The following RORC variants were observed in gnomAD, a reference collection of about 807,000 sequenced individuals.
RORC encodes RAR related orphan receptor C.
RORC carries 13 observed loss-of-function variants against 64.5 expected under a neutral mutation model. The observed-to-expected ratio is 0.20, with a 90% CI of 0.13 to 0.32. The LOEUF is 0.32. Ranked by LOEUF, RORC falls within the 10% of genes least tolerant of loss-of-function variation. RORC has a pLI of 1.00. For synonymous variants in RORC, 277 were observed against 259.3 expected (o/e 1.07, Z -0.65); for missense variants, 468 against 669.5 (o/e 0.70, Z 3.32).
intron 2 of RORC, among the ~76,000 whole-genome samples, chr1:151,825,468 C>T (rs1185982016): frequency 6.6e-6 from 1 of 152,094 alleles, no homozygotes; most frequent in Admixed American, 6.5e-5. Flanking sequence ...CTTCAGAGCA[C>T]AGCAACTGCT....
chr1:151,818,836 G>A (rs540028198), intron 2 of RORC, among the ~76,000 whole-genome samples: 1 of 152,328 alleles, frequency 6.6e-6, no homozygotes, highest in Non-Finnish European at 1.5e-5. Context: ...GTCACATGTA[G>A]GGCCTGTTGA....
intron 2 of RORC, among the ~76,000 whole-genome samples, chr1:151,829,067 C>T (rs1423905962): frequency 1.3e-5 from 2 of 151,904 alleles, no homozygotes; most frequent in Non-Finnish European, 2.9e-5. Flanking sequence ...ACCCCGCCTC[C>T]GCACACCCCC....
At chr1:151,824,003 G>T (rs1268394884) in intron 2 of RORC, among the ~76,000 whole-genome samples, 1 of 152,068 alleles carries the variant, frequency 6.6e-6, no homozygotes, top group Non-Finnish European at 1.5e-5. Flanking sequence ...CTCTCCCTAG[G>T]TGTTCCAGAA....
Position 151,814,850 on chromosome 1 carries a change from C to T in RORC, c.811+63G>A, listed in dbSNP as rs900590272. The T allele has an allele frequency of 4.4e-5, 69 of 1,568,194 alleles. 1 individual carries two copies. The East Asian group carries it at 1.1e-3, about 25-fold the overall frequency. On this transcript the variant is annotated intron_variant, in intron 5 of 10. Transcript: ENST00000318247. ...CCCTCAGGCGCATGTTTGATTGATA[C>T]GGGGTACTGGTGGAAACCCCTCCCT...
At chr1:151,823,790 G>A (rs1224045190) in intron 2 of RORC, among the ~76,000 whole-genome samples, 4 of 152,046 alleles carry the variant, frequency 2.6e-5, no homozygotes, top group African/African-American at 4.8e-5. Context: ...ACAGGTACAC[G>A]CCACCATGCC....
intron 2 of RORC, among the ~76,000 whole-genome samples, chr1:151,823,836 C>A (rs925939360): frequency 6.6e-6 from 1 of 152,114 alleles, no homozygotes; most frequent in African/African-American, 2.4e-5. Context: ...GTAGGGACAG[C>A]GGCTCACTTT....
intron 4 of RORC, 34 bp downstream of exon 4, chr1:151,816,629 AG>A: frequency 6.3e-7 from 1 of 1,580,454 alleles, no homozygotes. Context: ...TGGAGACACC[AG>A]GAAAACCCCA....
At position 151,814,599 on chromosome 1, in the gene RORC, T is replaced by C; in HGVS notation, c.908A>G (p.Glu303Gly). 6.2e-7 allele frequency: 1 copy of C among 1,612,704 alleles called. No homozygotes were observed. Among genetic ancestry groups the C allele is most frequent in the Non-Finnish European group, 8.5e-7 (1 of 1,179,380 alleles). Residue 303 changes from glutamate (E) to glycine (G), a missense_variant, in exon 6 of 11, where the codon GAG becomes GGG. Physicochemically the swap from Glu to Gly is moderately conservative, Grantham distance 98. Around this residue, in one of 5 missense-constraint regions of RORC, gnomAD observed 100 missense variants for 190.8 expected, o/e 0.52. Coordinates refer to ENST00000318247, the MANE Select transcript of RORC (RefSeq NM_005060.4). Reference protein sequence around the residue: ...LRQRSNIFSREEVTGYQRKSM... With the variant: ...LRQRSNIFSRGEVTGYQRKSM... ...CTTCCTCTGGTAGCCAGTCACTTCCTCCCGGGAGAAGATGTTGGAGCGCTG... is the reference window on the plus strand; with the variant it reads ...CTTCCTCTGGTAGCCAGTCACTTCCCCCCGGGAGAAGATGTTGGAGCGCTG...
intron 10 of RORC, among the ~76,000 whole-genome samples, chr1:151,810,304 T>C (rs576880423): frequency 2.5e-4 from 38 of 152,294 alleles, no homozygotes; most frequent in African/African-American, 8.9e-4. Flanking sequence ...TGTTAAAATC[T>C]TACATCATTC....
chr1:151,813,776 C>T (rs1476601691), intron 6 of RORC, 156 bp from the exon 7 acceptor site: 1 of 797,568 alleles, frequency 1.3e-6, no homozygotes, highest in Non-Finnish European at 1.9e-6. Context: ...CACAAATGCA[C>T]AGATTCCTGC....
intron 10 of RORC, among the ~76,000 whole-genome samples, chr1:151,810,195 T>G (rs899501731): frequency 7.9e-5 from 12 of 152,192 alleles, no homozygotes; most frequent in African/African-American, 2.7e-4. Context: ...TCATCCATTT[T>G]TTTGGTTAAA....
chr1:151,825,864 C>T, intron 2 of RORC: 1 of 1,587,954 alleles, frequency 6.3e-7, no homozygotes, highest in South Asian at 1.1e-5. Flanking sequence ...CCAAGACATC[C>T]TCCTTTCCAG....
chr1:151,810,568 G>A lies in RORC; in HGVS notation c.1395+757C>T, dbSNP rs1029771885. ...TTTTTTTGAGACAGAGTTTGCTCTT[G>A]TTGCCCAGGCTGGAGTGCAATGGCA... On this transcript the variant is annotated intron_variant, in intron 10 of 10. Coordinates refer to ENST00000318247, the MANE Select transcript of RORC (RefSeq NM_005060.4). Among the ~76,000 whole-genome samples, 38 of 141,098 alleles carry A rather than the reference G, an allele frequency of 2.7e-4. 1 individual carries two copies. Among genetic ancestry groups the A allele is most frequent in the Admixed American group, 2.3e-3 (32 of 13,634 alleles). The allele number at this position is 141,098 out of a possible 152,430, so 92.6% of individuals were successfully genotyped here.
Position 151,825,899 on chromosome 1 carries a change from C to A in RORC, c.70+3530G>T, listed in dbSNP as rs747875222. The A allele has an allele frequency of 3.1e-6, 5 of 1,613,028 alleles. No individual in the cohort carries two copies. In the South Asian group the frequency reaches 5.5e-5, roughly 18 times the overall value. On this transcript the variant is annotated intron_variant, in intron 2 of 10. Coordinates refer to ENST00000318247, the MANE Select transcript of RORC (RefSeq NM_005060.4). ...GAGGGGTGACGACAGGGTCCAGGCTCCCCCGCCCCCAGGTGGCCCCATTCA... is the reference window on the plus strand; with the variant it reads ...GAGGGGTGACGACAGGGTCCAGGCTACCCCGCCCCCAGGTGGCCCCATTCA...
intron 2 of RORC, among the ~76,000 whole-genome samples, chr1:151,820,944 C>T (rs1456849893): frequency 1.3e-5 from 2 of 152,222 alleles, no homozygotes; most frequent in Non-Finnish European, 2.9e-5. Flanking sequence ...CTCATTCTTG[C>T]ATCTTTTCTG....
chr1:151,826,641 G>C (rs182816255), intron 2 of RORC, among the ~76,000 whole-genome samples: 17 of 152,266 alleles, frequency 1.1e-4, no homozygotes, highest in African/African-American at 4.1e-4. Flanking sequence ...ATAATCACCA[G>C]GCAAATACCC....
chr1:151,813,180 C>T (rs1651606591), intron 8 of RORC, 59 bp downstream of exon 8: 22 of 1,553,080 alleles, frequency 1.4e-5, no homozygotes, highest in Non-Finnish European at 2.0e-5. Context: ...CCCTGGGTCA[C>T]AAAGCTTTGC....
At position 151,830,546 on chromosome 1, in the gene RORC, C is replaced by T. The variant is rs867280727; in HGVS notation, c.41-1088G>A. 2.6e-5 allele frequency among the ~76,000 whole-genome samples: 4 copies of T among 151,556 alleles called. No individual in the cohort carries two copies. The highest frequency in any genetic ancestry group is 7.3e-5 in the African/African-American group (3 of 41,070). ...AAAGCCCTTCAACCATGCCCTATAC[C>T]CCCTATAGCTTCCCTAACCTCTGAC... On this transcript the variant is annotated intron_variant, in intron 1 of 10. Coordinates refer to ENST00000318247, the MANE Select transcript of RORC (RefSeq NM_005060.4). This position sits in a 1 kb window ranked among gnomAD's most constrained non-coding sequence, Gnocchi z 4.0.
At chr1:151,823,284 C>T (rs1222669210) in intron 2 of RORC, among the ~76,000 whole-genome samples, 1 of 152,196 alleles carries the variant, frequency 6.6e-6, no homozygotes, top group Admixed American at 6.5e-5. Context: ...AGTGACCTCA[C>T]ACCCCTCGGC....
Sources: gnomAD v4.1 joint callset for allele counts (sites outside exome capture counted in the v4.1 genomes callset) on GRCh38, gnomAD v4.1.1 for gene constraint, gnomAD v4.1.1 regional missense constraint, Gnocchi (gnomAD v3.1) non-coding constraint, MANE v1.5 for transcripts, NCBI Gene and HGNC (gene_info 2026-07-23, HGNC 2026-07-21) for gene names.